OSBPL8: variants seen among roughly 807,000 people sequenced by gnomAD.
OSBPL8 encodes oxysterol-binding protein-related protein 8.
A neutral mutation model predicts 125.5 loss-of-function variants in OSBPL8; 59 were observed. That is an observed-to-expected ratio of 0.47 (90% CI 0.38 to 0.58). The LOEUF (loss-of-function observed/expected upper bound fraction) is 0.58, where lower values mean the gene tolerates loss of function less well. OSBPL8 is among the 20% of genes least tolerant of loss of function. OSBPL8 has a pLI of 0.00. For synonymous variants in OSBPL8, 330 were observed against 338.9 expected (o/e 0.97, Z 0.29); for missense variants, 758 against 1,047.8 (o/e 0.72, Z 3.82).
intron 1 of OSBPL8, among the ~76,000 whole-genome samples, chr12:76,515,049 G>A (rs931002089): frequency 3.3e-5 from 5 of 152,104 alleles, no homozygotes; most frequent in African/African-American, 1.2e-4. Flanking sequence ...TTCCTGTATT[G>A]TTTTATTGTG....
rs1881342409 is a variant in OSBPL8 at position 76,514,545 on chromosome 12, C to T, written c.-67-26927G>A. 1.3e-5 allele frequency among the ~76,000 whole-genome samples: 2 copies of T among 152,148 alleles called. 1 individual carries two copies. Among genetic ancestry groups the T allele is most frequent in the South Asian group, 4.1e-4 (2 of 4,830 alleles). ...TTTCAGCTGAGAGATCTGCTGTTAG[C>T]CTGATGGGGTTGCCTTTGCAGATGA... On this transcript the variant is annotated intron_variant, in intron 1 of 23. Transcript: ENST00000261183.
At chr12:76,367,612 C>A (rs1485559158) in intron 21 of OSBPL8, among the ~76,000 whole-genome samples, 3 of 152,076 alleles carry the variant, frequency 2.0e-5, no homozygotes, top group African/African-American at 7.2e-5. Context: ...TTCTATACGT[C>A]ATATACGTTT....
intron 1 of OSBPL8, among the ~76,000 whole-genome samples, chr12:76,524,927 G>A (rs1373673485): frequency 6.6e-5 from 10 of 151,920 alleles, no homozygotes; most frequent in African/African-American, 2.4e-4. Context: ...TAGGTGATCC[G>A]CCCACCTCAG....
At chr12:76,500,050 T>G (rs1245395075) in intron 1 of OSBPL8, among the ~76,000 whole-genome samples, 1 of 152,182 alleles carries the variant, frequency 6.6e-6, no homozygotes, top group African/African-American at 2.4e-5. Flanking sequence ...CGCCTACATA[T>G]TATATCAGTT....
chr12:76,487,678 A>G (rs1352622687), intron 1 of OSBPL8, 60 bp from the exon 2 acceptor site: 2 of 592,882 alleles, frequency 3.4e-6, no homozygotes, highest in Non-Finnish European at 5.2e-6. Flanking sequence ...GTAGAAATAA[A>G]GCATTGAGTT....
rs146427207 is a variant in OSBPL8 at position 76,522,116 on chromosome 12, A to C, written c.-67-34498T>G. 5.7e-4 allele frequency among the ~76,000 whole-genome samples: 87 copies of C among 152,216 alleles called. 1 individual carries two copies. Among genetic ancestry groups the C allele is most frequent in the African/African-American group, 1.9e-3 (80 of 41,542 alleles). On this transcript the variant is annotated intron_variant, in intron 1 of 23. Transcript: ENST00000261183. ...TGTAATACTGTGATCCCCTTCCATG[A>C]TGTGCTGATTATTCACACTGAGTCA...
At chr12:76,426,885 T>C (rs191144077) in intron 4 of OSBPL8, among the ~76,000 whole-genome samples, 1 of 152,232 alleles carries the variant, frequency 6.6e-6, no homozygotes, top group East Asian at 1.9e-4. Flanking sequence ...GCAGGATTTA[T>C]TTTCCCTTCC....
chr12:76,457,619 T>C (rs1874218179), intron 3 of OSBPL8, among the ~76,000 whole-genome samples: 1 of 152,200 alleles, frequency 6.6e-6, no homozygotes, highest in South Asian at 2.1e-4. Flanking sequence ...TTAAAAGATA[T>C]ATGGTCTCTA....
intron 4 of OSBPL8, among the ~76,000 whole-genome samples, chr12:76,426,083 A>C (rs1432379413): frequency 6.6e-6 from 1 of 152,154 alleles, no homozygotes; most frequent in Non-Finnish European, 1.5e-5. Context: ...AATGAACTGC[A>C]AGCTAACTTT....
chr12:76,464,722 C>T (rs548304874), intron 2 of OSBPL8, among the ~76,000 whole-genome samples: 31 of 152,150 alleles, frequency 2.0e-4, no homozygotes, highest in Non-Finnish European at 4.0e-4. Flanking sequence ...ATCCCTTTGG[C>T]ACAGCACTTC....
chr12:76,542,294 C>T lies in OSBPL8; in HGVS notation c.-68+17103G>A, dbSNP rs78163627. Among the ~76,000 whole-genome samples the T allele has an allele frequency of 5.7e-3, 871 of 152,342 alleles. 5 individuals are homozygous for T. The highest frequency in any genetic ancestry group is 0.034 in the Middle Eastern group (10 of 294). ...TTTAACCAATCCTTTGACTCTTTCA[C>T]TAGCTCTCCCTCTATCTCAGGGTTT... On this transcript the variant is annotated intron_variant, in intron 1 of 23. Coordinates refer to ENST00000261183, the MANE Select transcript of OSBPL8 (RefSeq NM_020841.5).
At chr12:76,384,102 G>T in intron 15 of OSBPL8, 152 bp downstream of exon 15, 1 of 427,638 alleles carries the variant, frequency 2.3e-6, no homozygotes. Flanking sequence ...CTTTATTTAT[G>T]AGTGGGCAGA....
intron 2 of OSBPL8, among the ~76,000 whole-genome samples, chr12:76,461,948 A>G (rs1195862215): frequency 6.6e-6 from 1 of 152,228 alleles, no homozygotes; most frequent in Admixed American, 6.5e-5. Context: ...GGAAAACTGG[A>G]AAAAAGTTAA....
chr12:76,387,958 T>C (rs1338502163), intron 12 of OSBPL8, among the ~76,000 whole-genome samples: 3 of 152,198 alleles, frequency 2.0e-5, no homozygotes. Flanking sequence ...TAAAAAAGCT[T>C]CCTTTTAAGT....
At chr12:76,373,540 T>C (rs1421784689) in intron 17 of OSBPL8, 107 bp from the exon 18 acceptor site, 1 of 605,714 alleles carries the variant, frequency 1.7e-6, no homozygotes, top group African/African-American at 1.9e-5. Context: ...GTTACAGTAC[T>C]ATTGAATGCA....
intron 2 of OSBPL8, among the ~76,000 whole-genome samples, chr12:76,471,188 C>T (rs1254317508): frequency 6.6e-6 from 1 of 152,158 alleles, no homozygotes; most frequent in Non-Finnish European, 1.5e-5. Context: ...AACAGAGTAA[C>T]ATCTACCTTA....
intron 1 of OSBPL8, among the ~76,000 whole-genome samples, chr12:76,510,830 G>A (rs1313129267): frequency 2.0e-5 from 3 of 150,316 alleles, no homozygotes; most frequent in African/African-American, 7.3e-5. Context: ...GTGGTGAGCC[G>A]AGATCATGCC....
At chr12:76,501,426 C>T (rs1957228953) in intron 1 of OSBPL8, among the ~76,000 whole-genome samples, 1 of 152,096 alleles carries the variant, frequency 6.6e-6, no homozygotes, top group Admixed American at 6.5e-5. Flanking sequence ...GTAACAGAGA[C>T]AATATGTAGT....
At chr12:76,413,294 A>G (rs992816958) in intron 4 of OSBPL8, among the ~76,000 whole-genome samples, 3 of 152,198 alleles carry the variant, frequency 2.0e-5, no homozygotes, top group African/African-American at 7.2e-5. Flanking sequence ...TTCACAAGTA[A>G]TTCGACTTGT....
Sources: allele counts gnomAD v4.1 joint callset (sites outside exome capture counted in the v4.1 genomes callset), GRCh38; gene constraint gnomAD v4.1.1; transcripts MANE v1.5; gene names NCBI Gene and HGNC (gene_info 2026-07-23, HGNC 2026-07-21).